Variants in GRM8 observed in about 807,000 individuals in gnomAD.
The protein encoded by GRM8 is glutamate metabotropic receptor 8.
Under a neutral mutation model 87.2 loss-of-function variants are expected in GRM8, and 47 were observed. The ratio of observed to expected loss-of-function variants is 0.54; its 90% CI spans 0.43 to 0.69. The LOEUF (loss-of-function observed/expected upper bound fraction) is 0.69, where lower values mean the gene tolerates loss of function less well. Ranked by LOEUF, GRM8 falls within the 30% of genes least tolerant of loss-of-function variation. The pLI, the probability that GRM8 is intolerant of heterozygous loss-of-function variation, is 0.00. For missense variants in GRM8, 1,019 were observed against 1,139.2 expected (o/e 0.89, Z 1.52); for synonymous variants, 396 against 404.5 (o/e 0.98, Z 0.25).
intron 3 of GRM8, among the ~76,000 whole-genome samples, chr7:127,013,349 G>T (rs529305462): frequency 6.6e-6 from 1 of 152,266 alleles, no homozygotes; most frequent in East Asian, 1.9e-4. Context: ...GACAGCAGAG[G>T]CATGGAGACC....
intron 7 of GRM8, among the ~76,000 whole-genome samples, chr7:126,662,683 TA>T (rs1370230728): frequency 6.6e-6 from 1 of 152,064 alleles, no homozygotes; most frequent in Admixed American, 6.6e-5. Context: ...CTCAAAAACA[TA>T]ATAAGCTAAG....
At chr7:126,811,356 T>C (rs983723668) in intron 6 of GRM8, among the ~76,000 whole-genome samples, 3 of 152,018 alleles carry the variant, frequency 2.0e-5, no homozygotes, top group East Asian at 1.9e-4. Context: ...ATTTTTTTTT[T>C]CTTTGGTTTC....
chr7:126,642,598 C>T (rs1187047089), intron 7 of GRM8, among the ~76,000 whole-genome samples: 1 of 151,912 alleles, frequency 6.6e-6, no homozygotes, highest in Non-Finnish European at 1.5e-5. Context: ...CGAGATCATG[C>T]CACTGCCCTC....
chr7:126,945,482 C>G (rs1181946595), intron 3 of GRM8, among the ~76,000 whole-genome samples: 1 of 152,146 alleles, frequency 6.6e-6, no homozygotes. Flanking sequence ...AAATTCCACA[C>G]CTGACATAAG....
At chr7:126,594,219 T>G (rs1796949610) in intron 8 of GRM8, among the ~76,000 whole-genome samples, 1 of 152,016 alleles carries the variant, frequency 6.6e-6, no homozygotes, top group Admixed American at 6.6e-5. Context: ...CCATATGATC[T>G]GGCCATCTCC....
chr7:127,177,521 C>T (rs368937072), intron 2 of GRM8, among the ~76,000 whole-genome samples: 4 of 152,334 alleles, frequency 2.6e-5, no homozygotes, highest in South Asian at 4.1e-4. Context: ...GAAAGTGTCA[C>T]CTCCTGGCAG....
intron 2 of GRM8, among the ~76,000 whole-genome samples, chr7:127,169,762 G>T (rs1044745756): frequency 6.6e-6 from 1 of 152,212 alleles, no homozygotes; most frequent in Non-Finnish European, 1.5e-5. Flanking sequence ...TAAGAATGAT[G>T]TTAAATCTAC....
rs1815193424 is a variant in GRM8 at position 126,533,555 on chromosome 7, A to G, written c.1827T>C (p.Asn609=). The change falls in exon 9 of 11, where the codon AAT becomes AAC. Residue 609 remains asparagine (N), a synonymous_variant. Coordinates refer to ENST00000339582, the MANE Select transcript of GRM8 (RefSeq NM_000845.3). ...TFVIVTFVRY[N]DTPIVRASGR... ...CTGAAGCCCTCACGATAGGTGTGTC[A>G]TTATAGCGGACAAAGGTCACGATCA... The G allele has an allele frequency of 1.9e-6, 3 of 1,614,024 alleles. No homozygotes were observed. Among genetic ancestry groups the G allele is most frequent in the South Asian group, 1.1e-5 (1 of 91,096 alleles).
intron 8 of GRM8, among the ~76,000 whole-genome samples, chr7:126,603,532 G>T (rs1419829954): frequency 6.6e-6 from 1 of 151,738 alleles, no homozygotes; most frequent in African/African-American, 2.4e-5. Flanking sequence ...AGCAACTTCA[G>T]CAAAGTCTCA....
chr7:126,654,965 T>C (rs1175474605), intron 7 of GRM8, among the ~76,000 whole-genome samples: 2 of 152,134 alleles, frequency 1.3e-5, no homozygotes, highest in Non-Finnish European at 2.9e-5. Context: ...AGGGAACTAA[T>C]GCAAATAATC....
At chr7:126,820,672 A>G (rs866254745) in intron 6 of GRM8, among the ~76,000 whole-genome samples, 2 of 152,134 alleles carry the variant, frequency 1.3e-5, no homozygotes, top group Non-Finnish European at 2.9e-5. Context: ...CATCCTCTAC[A>G]TGTTCTTTAC....
intron 8 of GRM8, among the ~76,000 whole-genome samples, chr7:126,587,231 A>T (rs1243216077): frequency 6.6e-6 from 1 of 152,234 alleles, no homozygotes; most frequent in African/African-American, 2.4e-5. Flanking sequence ...TGTTGGTGGG[A>T]CTGTAAACTA....
chr7:126,613,784 C>A (rs192225772), intron 7 of GRM8, among the ~76,000 whole-genome samples: 3 of 152,360 alleles, frequency 2.0e-5, no homozygotes, highest in Admixed American at 6.5e-5. Context: ...TCATTGCTAG[C>A]ACAGCAGACT....
chr7:126,597,211 T>C (rs1305876283), intron 8 of GRM8, among the ~76,000 whole-genome samples: 2 of 152,156 alleles, frequency 1.3e-5, no homozygotes, highest in Admixed American at 6.6e-5. Flanking sequence ...CAGTTAATTA[T>C]TGGAAGCTTT....
chr7:126,903,763 A>ATG (rs1267940004), intron 5 of GRM8, among the ~76,000 whole-genome samples: 5 of 89,858 alleles, frequency 5.6e-5, no homozygotes, highest in African/African-American at 8.7e-5. Flanking sequence ...GTGTATATAT[A>ATG]TATGTGTGTG....
At chr7:126,820,045 T>C in intron 6 of GRM8, among the ~76,000 whole-genome samples, 1 of 152,334 alleles carries the variant, frequency 6.6e-6, no homozygotes, top group East Asian at 1.9e-4. Flanking sequence ...TTTTATTTCA[T>C]TTTAGGAATT....
chr7:126,596,170 G>A (rs868129385), intron 8 of GRM8, among the ~76,000 whole-genome samples: 2 of 152,082 alleles, frequency 1.3e-5, no homozygotes. Context: ...GGGTATATAC[G>A]CCAGTAATGG....
At chr7:126,541,235 A>G (rs1816499924) in intron 8 of GRM8, among the ~76,000 whole-genome samples, 1 of 152,214 alleles carries the variant, frequency 6.6e-6, no homozygotes, top group African/African-American at 2.4e-5. Flanking sequence ...ATGGATGTGC[A>G]GACAGCAGTC....
chr7:126,862,346 C>T (rs1798206619), intron 6 of GRM8, among the ~76,000 whole-genome samples: 1 of 151,818 alleles, frequency 6.6e-6, no homozygotes, highest in African/African-American at 2.4e-5. Context: ...CATGTTATGG[C>T]TATTATTGCT....
Sources: allele counts gnomAD v4.1 joint callset (sites outside exome capture counted in the v4.1 genomes callset), GRCh38; gene constraint gnomAD v4.1.1; transcripts MANE v1.5; gene names NCBI Gene and HGNC (gene_info 2026-07-23, HGNC 2026-07-21).